The following OR4P4 variants were observed in gnomAD, a reference collection of about 807,000 sequenced individuals.
The protein encoded by OR4P4 is olfactory receptor family 4 subfamily P member 4, also known as olfactory receptor 4P4.
OR4P4 carries 1 observed loss-of-function variant against 2.1 expected under a neutral mutation model. That is an observed-to-expected ratio of 0.47 (90% confidence interval 0.17 to 2.21). OR4P4 has a LOEUF of 2.21. OR4P4 is among the 30% of genes most tolerant of loss of function. The pLI is 0.27. For missense variants in OR4P4, 375 were observed against 376.5 expected (o/e 1.00, Z 0.03); for synonymous variants, 129 against 133.2 (o/e 0.97, Z 0.22).
chr11:55,635,806 G>T (rs1204279887), intron 1 of OR4P4, among the ~76,000 whole-genome samples: 1 of 137,722 alleles, frequency 7.3e-6, no homozygotes. Context: ...ATATTAAGCA[G>T]TTGCTAATTT....
At position 55,639,703 on chromosome 11, in the gene OR4P4, C is replaced by T. The variant is rs762054301; in HGVS notation, c.*407C>T. The stretch of plus-strand genomic sequence containing the variant: ...GCATGTATTGCCTGTGTACAGCTCA[C>T]GAATTTTTGCAAACTGAGCATGATT... On this transcript the variant is annotated 3_prime_UTR_variant, in exon 2 of 2. Coordinates refer to ENST00000641760, the Ensembl canonical transcript of OR4P4. The T allele has an allele frequency of 3.1e-4, 45 of 147,402 alleles. 6 individuals carry two copies. Among genetic ancestry groups the T allele is most frequent in the Non-Finnish European group, 5.4e-4 (37 of 68,230 alleles). The allele number at this position is 147,402 out of a possible 1,614,324, so 9.1% of individuals were successfully genotyped here.
rs1265893063 is a variant in OR4P4, at chr11:55,640,027, G to C, written c.*731G>C. 3.0e-5 allele frequency: 4 copies of C among 134,572 alleles called. 2 individuals are homozygous for C. Among genetic ancestry groups the C allele is most frequent in the Non-Finnish European group, 6.5e-5 (4 of 61,308 alleles). 8.3% of individuals were successfully genotyped at this position (134,572 alleles called of 1,614,324 possible). A position where few individuals can be genotyped will look rare whatever the true frequency, so the allele number is the denominator to read the frequency against. ...CGAGCACCTGTAATCCCAGCTACTC[G>C]AGAGGCTGAGGCAGGAGAATCGCTT... On this transcript the variant is annotated 3_prime_UTR_variant, in exon 2 of 2. Coordinates refer to ENST00000641760, the Ensembl canonical transcript of OR4P4.
chr11:55,638,838 AC>A lies in OR4P4; in HGVS notation c.483del (p.Ile162SerfsTer11). ...ACATTCTGCCAGTCAGTTTCTTCTC[AC>A]CATCTTTGTACCATTTTGTGGCCCA... On this transcript the variant is annotated frameshift_variant, in exon 2 of 2. Coordinates refer to ENST00000641760, the Ensembl canonical transcript of OR4P4. LOFTEE classifies it low-confidence loss of function (END_TRUNC). The A allele has an allele frequency of 2.7e-5, 41 of 1,492,360 alleles. 6 individuals are homozygous for A. The highest frequency in any genetic ancestry group is 3.7e-5 in the Non-Finnish European group (41 of 1,097,416). The allele number at this position is 1,492,360 out of a possible 1,614,324, so 92.4% of individuals were successfully genotyped here.
In OR4P4 at chr11:55,639,562, G is replaced by A; in HGVS notation, c.*266G>A. 2 of 303,040 alleles carry A rather than the reference G, an allele frequency of 6.6e-6. 1 individual carries two copies. The highest frequency in any genetic ancestry group is 1.3e-4 in the East Asian group (2 of 15,152). 18.8% of individuals were successfully genotyped at this position (303,040 alleles called of 1,614,324 possible). A position where few individuals can be genotyped will look rare whatever the true frequency, so the allele number is the denominator to read the frequency against. Reference sequence around the variant, plus strand: ...TCTTAAAAATAAAGGATTACATGGCGTTGTGTTGAAAAAATAAAACAGATT... The same window carrying A: ...TCTTAAAAATAAAGGATTACATGGCATTGTGTTGAAAAAATAAAACAGATT... On this transcript the variant is annotated 3_prime_UTR_variant, in exon 2 of 2. Transcript: ENST00000641760.
chr11:55,640,096 G>A (rs558760233), exon 2 of OR4P4: 1 of 134,324 alleles, frequency 7.4e-6, no homozygotes, highest in East Asian at 2.4e-4. Context: ...ATCATGCCAC[G>A]GCACTCTAGC....
exon 2 of OR4P4, chr11:55,639,433 T>C (rs1858433419): frequency 5.6e-6 from 3 of 532,612 alleles, no homozygotes; most frequent in Non-Finnish European, 6.5e-6. Context: ...TACTTCTACA[T>C]TGACATCTCT....
rs748398423 is a variant in OR4P4 at position 55,638,665 on chromosome 11, A to AT, written c.315dup (p.Gly106TrpfsTer14). 10 of 1,492,070 alleles carry AT rather than the reference A, an allele frequency of 6.7e-6. 1 individual carries two copies. Among genetic ancestry groups the AT allele is most frequent in the South Asian group, 2.4e-5 (2 of 84,924 alleles). 92.4% of individuals were successfully genotyped at this position (1,492,070 alleles called of 1,614,324 possible). On this transcript the variant is annotated frameshift_variant, in exon 2 of 2. Transcript: ENST00000641760. LOFTEE classifies it low-confidence loss of function (END_TRUNC). The stretch of plus-strand genomic sequence containing the variant: ...TGTATGATACAACTCTTTACCACCC[A>AT]TTTTTTTGGAGGCATAGAGATCTTC...
At chr11:55,637,882 C>T (rs115986528) in intron 1 of OR4P4, among the ~76,000 whole-genome samples, 1 of 137,810 alleles carries the variant, frequency 7.3e-6, no homozygotes, top group African/African-American at 2.5e-5. Context: ...ATTGCTAATG[C>T]TTAGTGCTAT....
chr11:55,638,573 A>G lies in OR4P4; in HGVS notation c.216A>G (p.Thr72=). ...TCTCACTCTCCGACCTTTGCTACAC[A>G]TCCACAGTGACCCCCAAATTAATGG... is the stretch of plus-strand genomic sequence containing the variant. The change falls in exon 2 of 2, where the codon ACA becomes ACG. Residue 72 remains threonine, a synonymous_variant. Coordinates refer to ENST00000641760, the Ensembl canonical transcript of OR4P4. The G allele has an allele frequency of 2.0e-6, 3 of 1,479,462 alleles. 1 individual carries two copies. Among genetic ancestry groups the G allele is most frequent in the Non-Finnish European group, 2.8e-6 (3 of 1,086,864 alleles). 91.6% of individuals were successfully genotyped at this position (1,479,462 alleles called of 1,614,324 possible). A position where few individuals can be genotyped will look rare whatever the true frequency, so the allele number is the denominator to read the frequency against.
chr11:55,637,187 T>C lies in OR4P4; in HGVS notation c.-30-1141T>C, dbSNP rs1421005566. 3.6e-5 allele frequency among the ~76,000 whole-genome samples: 5 copies of C among 138,328 alleles called. 2 individuals are homozygous for C. The Admixed American group carries it at 3.9e-4, about 11-fold the overall frequency. The allele number at this position is 138,328 out of a possible 152,430, so 90.7% of individuals were successfully genotyped here. A position where few individuals can be genotyped will look rare whatever the true frequency, so the allele number is the denominator to read the frequency against. On this transcript the variant is annotated intron_variant, in intron 1 of 1. Transcript: ENST00000641760. ...TGAAGACAGATTGATGCACTGGTTT[T>C]GTCTGAGAACATTCTGTGCCTTACT...
Position 55,638,847 on chromosome 11 carries a change from G to A in OR4P4, c.490G>A (p.Val164Ile). The A allele has an allele frequency of 6.7e-6, 10 of 1,492,722 alleles. 3 individuals are homozygous for A. The highest frequency in any genetic ancestry group is 9.1e-6 in the Non-Finnish European group (10 of 1,097,814). 92.5% of individuals were successfully genotyped at this position (1,492,722 alleles called of 1,614,324 possible). ...CAGTCAGTTTCTTCTCACCATCTTT[G>A]TACCATTTTGTGGCCCAAATGAGAT... The change falls in exon 2 of 2, where the codon GTA becomes ATA. Residue 164 changes from valine to isoleucine, a missense_variant. Val to Ile is a conservative substitution (Grantham distance 29). Transcript: ENST00000641760.
Position 55,635,664 on chromosome 11 carries a change from A to C in OR4P4, c.-31+448A>C, listed in dbSNP as rs866356861. On this transcript the variant is annotated intron_variant, in intron 1 of 1. Coordinates refer to ENST00000641760, the Ensembl canonical transcript of OR4P4. ...TGAAGAGAGGACAGAATCGACTATA[A>C]AGGAAAAAGGAAGAGATTCTGAATA... Among the ~76,000 whole-genome samples the C allele has an allele frequency of 6.5e-5, 9 of 138,130 alleles. 1 individual carries two copies. Among genetic ancestry groups the C allele is most frequent in the African/African-American group, 2.0e-4 (8 of 40,086 alleles). The allele number at this position is 138,130 out of a possible 152,430, so 90.6% of individuals were successfully genotyped here. A position where few individuals can be genotyped will look rare whatever the true frequency, so the allele number is the denominator to read the frequency against.
intron 1 of OR4P4, among the ~76,000 whole-genome samples, chr11:55,637,606 A>T (rs1858403625): frequency 7.2e-6 from 1 of 138,030 alleles, no homozygotes; most frequent in South Asian, 2.4e-4. Context: ...GAGATGAGGA[A>T]GAAATTTAAG....
chr11:55,638,279 T>A, intron 1 of OR4P4, 49 bp from the exon 2 acceptor site: 1 of 695,564 alleles, frequency 1.4e-6, no homozygotes, highest in Non-Finnish European at 2.3e-6. Flanking sequence ...AATATGATCA[T>A]TGTACTTCTT....
rs1251499996 is a variant in OR4P4 at position 55,638,396 on chromosome 11, G to T, written c.39G>T (p.Leu13Phe). 2.8e-6 allele frequency: 4 copies of T among 1,444,382 alleles called. 1 individual carries two copies. Among genetic ancestry groups the T allele is most frequent in the East Asian group, 2.6e-5 (1 of 38,518 alleles). The allele number at this position is 1,444,382 out of a possible 1,614,324, so 89.5% of individuals were successfully genotyped here. Residue 13 changes from leucine to phenylalanine, a missense_variant, in exon 2 of 2, where the codon TTG (leucine) becomes TTT (phenylalanine). Physicochemically the swap from Leu to Phe is conservative, Grantham distance 22. Transcript: ENST00000641760. ...ATAATAGCACTTTGTTTATTCTCTT[G>T]GGGTTTTCCCAAAATAAGAACATTG...
At chr11:55,639,538 C>A in exon 2 of OR4P4, 1 of 326,396 alleles carries the variant, frequency 3.1e-6, no homozygotes. Context: ...CAGAAAATTT[C>A]TTAAAAATAA....
Position 55,638,400 on chromosome 11 carries a change from T to C in OR4P4, c.43T>C (p.Phe15Leu). Reference sequence around the variant, plus strand: ...TAGCACTTTGTTTATTCTCTTGGGGTTTTCCCAAAATAAGAACATTGAAGT... The same window carrying C: ...TAGCACTTTGTTTATTCTCTTGGGGCTTTCCCAAAATAAGAACATTGAAGT... Residue 15 changes from phenylalanine to leucine, a missense_variant, in exon 2 of 2, where the codon TTT becomes CTT. Physicochemically the swap from Phe to Leu is conservative, Grantham distance 22. Coordinates refer to ENST00000641760, the Ensembl canonical transcript of OR4P4. 2.1e-6 allele frequency: 3 copies of C among 1,450,218 alleles called. 1 individual carries two copies. Among genetic ancestry groups the C allele is most frequent in the Non-Finnish European group, 2.8e-6 (3 of 1,071,850 alleles). The allele number at this position is 1,450,218 out of a possible 1,614,324, so 89.8% of individuals were successfully genotyped here. A position where few individuals can be genotyped will look rare whatever the true frequency, so the allele number is the denominator to read the frequency against.
intron 1 of OR4P4, among the ~76,000 whole-genome samples, chr11:55,635,751 T>C (rs1858379536): frequency 7.3e-6 from 1 of 137,430 alleles, no homozygotes; most frequent in Non-Finnish European, 1.6e-5. Context: ...CATAAACATG[T>C]GATATTTGTT....
exon 2 of OR4P4, chr11:55,638,821 C>T: frequency 6.7e-7 from 1 of 1,490,804 alleles, no homozygotes; most frequent in Non-Finnish European, 9.1e-7. Context: ...ATACATTCTG[C>T]CAGTCAGTTT....
Sources: allele counts gnomAD v4.1 joint callset (sites outside exome capture counted in the v4.1 genomes callset), GRCh38; gene constraint gnomAD v4.1.1; transcripts MANE v1.5; gene names NCBI Gene and HGNC (gene_info 2026-07-23, HGNC 2026-07-21).